The following ANXA7 variants were observed in gnomAD, a reference collection of about 807,000 sequenced individuals.
ANXA7 encodes the protein annexin VII.
ANXA7 carries 55 observed loss-of-function variants against 64.9 expected under a neutral mutation model. That is an observed-to-expected ratio of 0.85 (90% confidence interval 0.68 to 1.06). The LOEUF (loss-of-function observed/expected upper bound fraction) is 1.06. Among genes scored for constraint, ANXA7 ranks in the 50% least tolerant of loss-of-function variants. The probability of loss-of-function intolerance (pLI) is 0.00; values close to 1 mark genes in which losing one functional copy is unlikely to be tolerated. For synonymous variants in ANXA7, 200 were observed against 192.4 expected (o/e 1.04, Z -0.33); for missense variants, 548 against 582.1 (o/e 0.94, Z 0.60).
chr10:73,377,773 G>GGGGGGGGTGTGTGTGT, intron 12 of ANXA7, among the ~76,000 whole-genome samples: 1 of 124,822 alleles, frequency 8.0e-6, no homozygotes, highest in South Asian at 2.9e-4. Flanking sequence ...GGTGGGTGTG[G>GGGGGGGGTGTGTGTGT]GTGTGTGTGT....
rs370055787 is a variant in ANXA7, at chr10:73,398,184, C to T, written c.256G>A (p.Gly86Arg). Residue 86 changes from glycine (G) to arginine (R), a missense_variant, in exon 3 of 13, where the codon GGA becomes AGA. Gly to Arg is a moderately radical substitution (Grantham distance 125). Transcript: ENST00000372921. ...AATTCCGCAACCCGTAACTCACCTCCGGGATAGGATGGAGCTCCCCCTGGC... is the reference window on the plus strand; with the variant it reads ...AATTCCGCAACCCGTAACTCACCTCTGGGATAGGATGGAGCTCCCCCTGGC... Reference protein sequence around the residue: ...PQPGGAPSYPGVPPGQGFGVP... With the variant: ...PQPGGAPSYPRVPPGQGFGVP... The T allele has an allele frequency of 2.4e-5, 38 of 1,608,640 alleles. No individual in the cohort carries two copies. The highest frequency in any genetic ancestry group is 3.0e-5 in the Non-Finnish European group (35 of 1,176,378).
At chr10:73,391,794 G>T (rs868690408) in intron 5 of ANXA7, among the ~76,000 whole-genome samples, 9 of 152,116 alleles carry the variant, frequency 5.9e-5, no homozygotes, top group Non-Finnish European at 1.3e-4. Flanking sequence ...ATCTGCCTGT[G>T]GACTTTCAGT....
intron 1 of ANXA7, among the ~76,000 whole-genome samples, chr10:73,406,230 G>A (rs1269996053): frequency 3.3e-5 from 5 of 151,988 alleles, no homozygotes; most frequent in African/African-American, 1.2e-4. Flanking sequence ...TGCTGGGATC[G>A]CAGGCATGAG....
In ANXA7 at chr10:73,379,901, T is replaced by C. The variant is rs776475247; in HGVS notation, c.1143A>G (p.Val381=). ...SSVSREFSGY[V]ESGLKTILQC... ...TACAGATGGTCTTCAAACCACTTTCTACATATCCGGAAAACTCACGGCTCA... is the reference window on the plus strand; with the variant it reads ...TACAGATGGTCTTCAAACCACTTTCCACATATCCGGAAAACTCACGGCTCA... The change falls in exon 11 of 13, where the codon GTA becomes GTG. Residue 381 remains valine (V), a synonymous_variant. Transcript: ENST00000372921. The C allele has an allele frequency of 1.2e-6, 2 of 1,614,204 alleles. No homozygotes were observed. Among genetic ancestry groups the C allele is most frequent in the East Asian group, 2.2e-5 (1 of 44,888 alleles).
intron 1 of ANXA7, among the ~76,000 whole-genome samples, chr10:73,404,374 A>C (rs2055720008): frequency 6.6e-6 from 1 of 152,238 alleles, no homozygotes; most frequent in Non-Finnish European, 1.5e-5. Flanking sequence ...TGGAAAAGTA[A>C]ACAATAACCT....
At chr10:73,383,445 A>T in intron 8 of ANXA7, 100 bp from the exon 9 acceptor site, 1 of 1,276,856 alleles carries the variant, frequency 7.8e-7, no homozygotes, top group Non-Finnish European at 1.1e-6. Flanking sequence ...ACTAAAAACT[A>T]TATATTCAGA....
intron 1 of ANXA7, among the ~76,000 whole-genome samples, chr10:73,409,745 A>C (rs2055811001): frequency 6.6e-6 from 1 of 152,222 alleles, no homozygotes; most frequent in Non-Finnish European, 1.5e-5. Context: ...TGGAGACATC[A>C]CATTACCAGA....
At chr10:73,398,422 A>G (rs775332899) in intron 2 of ANXA7, 37 bp from the exon 3 acceptor site, 11 of 1,545,866 alleles carry the variant, frequency 7.1e-6, no homozygotes, top group Non-Finnish European at 2.7e-6. Context: ...AAATACGATC[A>G]TAGAGAAATA....
At chr10:73,380,263 T>C (rs1306040348) in intron 9 of ANXA7, 62 bp from the exon 10 acceptor site, 8 of 1,491,126 alleles carry the variant, frequency 5.4e-6, no homozygotes, top group South Asian at 2.5e-5. Flanking sequence ...ATTTTTTTTT[T>C]CCAATCTAGT....
intron 5 of ANXA7, chr10:73,396,210 T>C: frequency 2.6e-6 from 2 of 758,526 alleles, no homozygotes; most frequent in Non-Finnish European, 4.5e-6. Flanking sequence ...CCCAAATTCA[T>C]AGGTGTAACT....
At chr10:73,411,888 G>C (rs1231196725) in intron 1 of ANXA7, among the ~76,000 whole-genome samples, 1 of 148,904 alleles carries the variant, frequency 6.7e-6, no homozygotes, top group Non-Finnish European at 1.5e-5. Flanking sequence ...AAAAGGCAAA[G>C]TGAAAAACTG....
At chr10:73,396,171 C>A in intron 5 of ANXA7, 2 of 1,079,486 alleles carry the variant, frequency 1.9e-6, no homozygotes, top group Middle Eastern at 2.0e-4. Context: ...CTACATAAAT[C>A]ACTGTCAGAA....
chr10:73,412,313 G>A (rs992793707), intron 1 of ANXA7, among the ~76,000 whole-genome samples: 3 of 152,062 alleles, frequency 2.0e-5, no homozygotes, highest in African/African-American at 4.8e-5. Context: ...GGGATTACAG[G>A]CGACAGCCAC....
chr10:73,410,707 G>A (rs558503459), intron 1 of ANXA7, among the ~76,000 whole-genome samples: 8 of 151,592 alleles, frequency 5.3e-5, no homozygotes, highest in East Asian at 1.9e-4. Context: ...GCTTGAATCC[G>A]GGAGGCGGAG....
chr10:73,413,581 AAC>A (rs2055877844), intron 1 of ANXA7, among the ~76,000 whole-genome samples: 1 of 152,172 alleles, frequency 6.6e-6, no homozygotes, highest in South Asian at 2.1e-4. Context: ...CGGTTCACTA[AAC>A]ACAGTAAAAA....
intron 5 of ANXA7, chr10:73,396,218 ACTG>A: frequency 1.4e-6 from 1 of 729,312 alleles, no homozygotes. Context: ...CATAGGTGTA[ACTG>A]CTGGTAAGGG....
At chr10:73,403,740 G>T (rs906485292) in intron 1 of ANXA7, among the ~76,000 whole-genome samples, 1 of 152,132 alleles carries the variant, frequency 6.6e-6, no homozygotes, top group African/African-American at 2.4e-5. Context: ...CCTCCAGAGG[G>T]GCTGTACCAA....
intron 8 of ANXA7, 76 bp from the exon 9 acceptor site, chr10:73,383,421 C>A: frequency 2.1e-6 from 3 of 1,437,318 alleles, no homozygotes; most frequent in Admixed American, 2.2e-5. Context: ...TCAAATATTT[C>A]TTTGTTCTGT....
intron 7 of ANXA7, among the ~76,000 whole-genome samples, chr10:73,386,213 G>GT (rs2055367039): frequency 2.5e-5 from 2 of 79,814 alleles, no homozygotes; most frequent in Admixed American, 2.5e-4. Context: ...TCAAAAAAAA[G>GT]TAAAAAAAAA....
Sources: allele counts gnomAD v4.1 joint callset (sites outside exome capture counted in the v4.1 genomes callset), GRCh38; gene constraint gnomAD v4.1.1; transcripts MANE v1.5; gene names NCBI Gene and HGNC (gene_info 2026-07-23, HGNC 2026-07-21).